Variants in COL14A1 observed in about 807,000 individuals in gnomAD.
COL14A1 encodes the protein collagen alpha-1(XIV) chain.
In COL14A1, 136 loss-of-function variants were observed where a neutral mutation model predicts 230.3. The ratio of observed to expected loss-of-function variants is 0.59; its 90% confidence interval spans 0.51 to 0.68. The LOEUF (loss-of-function observed/expected upper bound fraction) is 0.68, where lower values mean the gene tolerates loss of function less well. COL14A1 is among the 30% of genes least tolerant of loss of function. The pLI is 0.00. For synonymous variants in COL14A1, 792 were observed against 784.1 expected (o/e 1.01, Z -0.17); for missense variants, 1,976 against 2,215.8 (o/e 0.89, Z 2.17).
rs916191743 is a variant in COL14A1, at chr8:120,330,573, C to T, written c.4660-1568C>T. Reference sequence around the variant, plus strand: ...ATCATGAGAACATCATGGGAAAGACCAGCCCCTATGATTCAGTTACCTCCC... The same window carrying T: ...ATCATGAGAACATCATGGGAAAGACTAGCCCCTATGATTCAGTTACCTCCC... On this transcript the variant is annotated intron_variant, in intron 40 of 47. Transcript: ENST00000297848. 2.0e-5 allele frequency among the ~76,000 whole-genome samples: 3 copies of T among 152,066 alleles called. No individual in the cohort carries two copies. In the East Asian group the frequency reaches 5.8e-4, roughly 29 times the overall value.
chr8:120,314,350 G>C (rs1821140860), intron 38 of COL14A1, among the ~76,000 whole-genome samples: 1 of 151,582 alleles, frequency 6.6e-6, no homozygotes, highest in South Asian at 2.1e-4. Flanking sequence ...CATTCAGAAA[G>C]TAACAAATGT....
chr8:120,355,113 A>G (rs1460441840), intron 45 of COL14A1, among the ~76,000 whole-genome samples: 2 of 152,172 alleles, frequency 1.3e-5, no homozygotes, highest in African/African-American at 2.4e-5. Context: ...GTGATTGACT[A>G]CTATTTGTCA....
At chr8:120,176,653 T>C (rs1265848970) in intron 5 of COL14A1, among the ~76,000 whole-genome samples, 2 of 152,058 alleles carry the variant, frequency 1.3e-5, no homozygotes, top group Non-Finnish European at 2.9e-5. Flanking sequence ...TAGATGGGTC[T>C]TGTAGGTTAA....
chr8:120,356,406 T>A (rs530182680), intron 45 of COL14A1, among the ~76,000 whole-genome samples: 1 of 152,242 alleles, frequency 6.6e-6, no homozygotes, highest in Non-Finnish European at 1.5e-5. Context: ...GCTTCGCCAC[T>A]TAACTAGCTA....
intron 19 of COL14A1, among the ~76,000 whole-genome samples, chr8:120,238,130 G>C (rs1014245063): frequency 1.3e-5 from 2 of 152,180 alleles, no homozygotes; most frequent in Non-Finnish European, 2.9e-5. Context: ...CAGAGTTCGA[G>C]CGCTGTGCTG....
chr8:120,226,070 G>A (rs1818084671), intron 15 of COL14A1, among the ~76,000 whole-genome samples: 1 of 151,590 alleles, frequency 6.6e-6, no homozygotes, highest in Admixed American at 6.6e-5. Context: ...GGTGCAGTTG[G>A]GTGTTATACT....
At chr8:120,164,125 T>C (rs1450600836) in intron 4 of COL14A1, among the ~76,000 whole-genome samples, 1 of 152,198 alleles carries the variant, frequency 6.6e-6, no homozygotes, top group Non-Finnish European at 1.5e-5. Flanking sequence ...AAGGACAATT[T>C]AAAGCATAAT....
At chr8:120,225,928 A>G (rs911279223) in intron 15 of COL14A1, among the ~76,000 whole-genome samples, 2 of 152,018 alleles carry the variant, frequency 1.3e-5, no homozygotes, top group East Asian at 3.8e-4. Context: ...AATTTAACCA[A>G]ATCTCCAGAA....
chr8:120,166,807 A>G (rs1310989568), intron 4 of COL14A1, among the ~76,000 whole-genome samples: 1 of 151,984 alleles, frequency 6.6e-6, no homozygotes, highest in African/African-American at 2.4e-5. Context: ...AATGCGAATG[A>G]AACGGAGTGG....
At chr8:120,364,913 A>C (rs1823355963) in intron 45 of COL14A1, among the ~76,000 whole-genome samples, 1 of 151,858 alleles carries the variant, frequency 6.6e-6, no homozygotes, top group Non-Finnish European at 1.5e-5. Flanking sequence ...GAAAAGAAAG[A>C]AAAAAAGAAT....
At chr8:120,212,839 G>A (rs1474727337) in intron 13 of COL14A1, among the ~76,000 whole-genome samples, 1 of 152,178 alleles carries the variant, frequency 6.6e-6, no homozygotes, top group African/African-American at 2.4e-5. Context: ...ATGCAGGTCA[G>A]AATCTAGAGG....
At chr8:120,322,867 A>C (rs1001264361) in intron 40 of COL14A1, among the ~76,000 whole-genome samples, 1 of 152,192 alleles carries the variant, frequency 6.6e-6, no homozygotes, top group Non-Finnish European at 1.5e-5. Context: ...CCACCCACAC[A>C]TGCATGTGTC....
At chr8:120,134,984 A>G (rs1241915233) in intron 1 of COL14A1, among the ~76,000 whole-genome samples, 1 of 152,164 alleles carries the variant, frequency 6.6e-6, no homozygotes, top group Non-Finnish European at 1.5e-5. Context: ...ATCACAAAAA[A>G]CAAACAAACA....
chr8:120,304,700 A>C (rs1820808061), intron 36 of COL14A1, among the ~76,000 whole-genome samples: 1 of 152,088 alleles, frequency 6.6e-6, no homozygotes, highest in Non-Finnish European at 1.5e-5. Context: ...AATTTGTCTA[A>C]CTTGCATGTT....
Position 120,158,136 on chromosome 8 carries a change from C to T in COL14A1, c.95C>T (p.Pro32Leu). The change falls in exon 3 of 48, where the codon CCA (proline) becomes CTA (leucine). Residue 32 changes from proline to leucine, a missense_variant. Pro to Leu is a moderately conservative substitution (Grantham distance 98). Transcript: ENST00000297848. ...TTTTGTTCTTCCTTTTCAGTGGCTC[C>T]ACCCACAAGGTTAAGATATAATGTA... ...FCTIVQGQVA[P>L]PTRLRYNVIS... is the part of the protein sequence containing the mutation. The T allele has an allele frequency of 6.5e-7, 1 of 1,546,314 alleles. No homozygotes were observed.
intron 5 of COL14A1, among the ~76,000 whole-genome samples, chr8:120,171,399 G>A (rs146207695): frequency 2.1e-3 from 314 of 152,224 alleles, no homozygotes; most frequent in African/African-American, 7.1e-3. Context: ...GACCTTCTCT[G>A]TGTATCCACT....
intron 36 of COL14A1, among the ~76,000 whole-genome samples, 158 bp from the exon 37 acceptor site, chr8:120,309,851 A>G (rs1820974874): frequency 6.6e-6 from 1 of 152,132 alleles, no homozygotes; most frequent in Non-Finnish European, 1.5e-5. Context: ...CTGGGTGGTA[A>G]ATTTCCAGTT....
chr8:120,341,517 A>AT lies in COL14A1; in HGVS notation c.4821+161dup, dbSNP rs528233753. 1.0e-3 allele frequency among the ~76,000 whole-genome samples: 153 copies of AT among 152,186 alleles called. 4 individuals are homozygous for AT. The East Asian group carries it at 0.023, about 23-fold the overall frequency. ...CCCCAATTCATTAGACTGTGGCCATATTTTCCAGACATAAAATCCCTGTGG... is the reference window on the plus strand; with the variant it reads ...CCCCAATTCATTAGACTGTGGCCATATTTTTCCAGACATAAAATCCCTGTGG... On this transcript the variant is annotated intron_variant, in intron 43 of 47. Coordinates refer to ENST00000297848, the MANE Select transcript of COL14A1 (RefSeq NM_021110.4).
At chr8:120,226,908 C>G in intron 16 of COL14A1, 142 bp downstream of exon 16, 1 of 739,516 alleles carries the variant, frequency 1.4e-6, no homozygotes, top group South Asian at 2.7e-5. Flanking sequence ...TTAGAAATGT[C>G]AAATCATAAG....
Sources: allele counts gnomAD v4.1 joint callset (sites outside exome capture counted in the v4.1 genomes callset), GRCh38; gene constraint gnomAD v4.1.1; transcripts MANE v1.5; gene names NCBI Gene and HGNC (gene_info 2026-07-23, HGNC 2026-07-21).